The following ESRRG variants were observed in gnomAD, a reference collection of about 807,000 sequenced individuals.
ESRRG encodes estrogen related receptor gamma.
ESRRG carries 13 observed loss-of-function variants against 44.0 expected under a neutral mutation model. The ratio of observed to expected loss-of-function variants is 0.30; its 90% confidence interval spans 0.19 to 0.47. The LOEUF (loss-of-function observed/expected upper bound fraction) is 0.47. Among genes scored for constraint, ESRRG ranks in the 20% least tolerant of loss-of-function variants. ESRRG has a pLI of 1.00. For synonymous variants in ESRRG, 215 were observed against 214.6 expected (o/e 1.00, Z -0.02); for missense variants, 395 against 580.6 (o/e 0.68, Z 3.29).
rs1170509638 is a variant in ESRRG at position 216,974,891 on chromosome 1, T to C, written c.-105-35218A>G. On this transcript the variant is annotated intron_variant, in intron 1 of 7. Coordinates refer to the ESRRG transcript ENST00000359162. ...CTTTTGTGCTTTTTTTTTTTTTTAA[T>C]TTTCTTTCAGAATTTTCTCAGCAGG... Among the ~76,000 whole-genome samples, 5 of 152,006 alleles carry C rather than the reference T, an allele frequency of 3.3e-5. No individual in the cohort carries two copies. The South Asian group carries it at 8.3e-4, about 25-fold the overall frequency.
At position 216,747,698 on chromosome 1, in the gene ESRRG, C is replaced by T. The variant is rs1026790432; in HGVS notation, c.-13-70207G>A. Among the ~76,000 whole-genome samples, 13 of 152,190 alleles carry T rather than the reference C, an allele frequency of 8.5e-5. 1 individual carries two copies. Among genetic ancestry groups the T allele is most frequent in the South Asian group, 6.2e-4 (3 of 4,814 alleles). Reference sequence around the variant, plus strand: ...CTGTGAGCAATTTGTGGACTTTGAGCGAAACGTTCAATCATTTTAGGCCTC... The same window carrying T: ...CTGTGAGCAATTTGTGGACTTTGAGTGAAACGTTCAATCATTTTAGGCCTC... On this transcript the variant is annotated intron_variant, in intron 2 of 7. Transcript: ENST00000359162.
chr1:217,065,688 GT>G (rs994090276), intron 1 of ESRRG, among the ~76,000 whole-genome samples: 1 of 152,164 alleles, frequency 6.6e-6, no homozygotes, highest in Non-Finnish European at 1.5e-5. Flanking sequence ...GTCCCATATG[GT>G]TTTTGGAGAG....
At chr1:217,005,888 C>T (rs1163262558) in intron 1 of ESRRG, among the ~76,000 whole-genome samples, 3 of 152,132 alleles carry the variant, frequency 2.0e-5, no homozygotes, top group Non-Finnish European at 2.9e-5. Flanking sequence ...GTCTTCATTA[C>T]TATGTTAATC....
intron 1 of ESRRG, among the ~76,000 whole-genome samples, chr1:217,001,932 A>C (rs928369756): frequency 6.6e-6 from 1 of 152,184 alleles, no homozygotes; most frequent in African/African-American, 2.4e-5. Flanking sequence ...AGTTCAGCAC[A>C]TGGAAATGGA....
intron 2 of ESRRG, among the ~76,000 whole-genome samples, chr1:216,854,712 A>G (rs1181293718): frequency 6.6e-6 from 1 of 152,166 alleles, no homozygotes; most frequent in East Asian, 1.9e-4. Flanking sequence ...CTGTGATATA[A>G]TTGCAAAAAA....
At chr1:216,909,575 G>C (rs1244622782) in intron 2 of ESRRG, among the ~76,000 whole-genome samples, 1 of 152,092 alleles carries the variant, frequency 6.6e-6, no homozygotes, top group Non-Finnish European at 1.5e-5. Flanking sequence ...AGTTGAGACA[G>C]GGTTTTTCCA....
intron 1 of ESRRG, among the ~76,000 whole-genome samples, chr1:217,120,255 C>T (rs1558283483): frequency 6.6e-6 from 1 of 151,330 alleles, no homozygotes; most frequent in Admixed American, 6.6e-5. Flanking sequence ...TCTCCCTCAT[C>T]CTAGAAATAT....
chr1:217,112,742 T>C (rs2092674144), intron 1 of ESRRG, among the ~76,000 whole-genome samples: 2 of 152,144 alleles, frequency 1.3e-5, no homozygotes, highest in South Asian at 2.1e-4. Flanking sequence ...ATGTAAGAAA[T>C]GGTTAATTAC....
At chr1:216,916,534 T>C (rs961065186) in intron 2 of ESRRG, among the ~76,000 whole-genome samples, 5 of 152,228 alleles carry the variant, frequency 3.3e-5, no homozygotes, top group Non-Finnish European at 7.3e-5. Flanking sequence ...TGGGGACACA[T>C]GCTCATGTTC....
intron 1 of ESRRG, among the ~76,000 whole-genome samples, chr1:216,955,797 A>G (rs2067845415): frequency 6.6e-6 from 1 of 152,156 alleles, no homozygotes; most frequent in South Asian, 2.1e-4. Context: ...CCTGATGACT[A>G]GTGATGTTGA....
intron 2 of ESRRG, among the ~76,000 whole-genome samples, chr1:216,814,451 G>A (rs970341405): frequency 3.3e-4 from 50 of 152,186 alleles, no homozygotes; most frequent in African/African-American, 1.2e-3. Context: ...TTAATAAGCA[G>A]TTGTTTAGCC....
intron 2 of ESRRG, among the ~76,000 whole-genome samples, chr1:216,739,080 G>C (rs1415197935): frequency 6.6e-6 from 1 of 152,138 alleles, no homozygotes; most frequent in Non-Finnish European, 1.5e-5. Context: ...CAGTAGAATA[G>C]AGACCTCAGC....
intron 2 of ESRRG, among the ~76,000 whole-genome samples, chr1:216,914,226 AC>A (rs2149632783): frequency 6.6e-6 from 1 of 152,230 alleles, no homozygotes; most frequent in East Asian, 1.9e-4. Context: ...CAGCTCTGAC[AC>A]GGGGGATTAA....
intron 2 of ESRRG, among the ~76,000 whole-genome samples, chr1:216,845,873 C>T (rs1034581424): frequency 6.6e-6 from 1 of 152,078 alleles, no homozygotes; most frequent in Non-Finnish European, 1.5e-5. Context: ...GAGTGATACA[C>T]CCTCCACTCA....
At chr1:217,082,682 C>G (rs1413990112) in intron 1 of ESRRG, among the ~76,000 whole-genome samples, 1 of 151,646 alleles carries the variant, frequency 6.6e-6, no homozygotes, top group Admixed American at 6.6e-5. Context: ...ACACACACAC[C>G]TCACCCTCTT....
chr1:216,735,987 A>AAATAT (rs1453476198), intron 2 of ESRRG, among the ~76,000 whole-genome samples: 1 of 137,118 alleles, frequency 7.3e-6, no homozygotes, highest in Non-Finnish European at 1.6e-5. Context: ...CTCAAAAAAA[A>AAATAT]ATATATATAT....
At chr1:216,724,247 A>G (rs2087010812), upstream of ESRRG, among the ~76,000 whole-genome samples, 1 of 152,134 alleles carries the variant, frequency 6.6e-6, no homozygotes, top group Non-Finnish European at 1.5e-5. Context: ...AAACAACGGT[A>G]AACAGCCGCA....
chr1:216,598,465 C>G (rs78470375), intron 3 of ESRRG, among the ~76,000 whole-genome samples: 1 of 152,048 alleles, frequency 6.6e-6, no homozygotes, highest in Non-Finnish European at 1.5e-5. Context: ...ATGGAACAAC[C>G]CACCTTGTGA....
intron 1 of ESRRG, among the ~76,000 whole-genome samples, chr1:216,967,943 G>A (rs1369993262): frequency 6.6e-6 from 1 of 152,160 alleles, no homozygotes; most frequent in Non-Finnish European, 1.5e-5. Flanking sequence ...ATTCAAATAA[G>A]TGTACAGTGG....
Sources: gnomAD v4.1 joint callset for allele counts (sites outside exome capture counted in the v4.1 genomes callset) on GRCh38, gnomAD v4.1.1 for gene constraint, MANE v1.5 for transcripts, NCBI Gene and HGNC (gene_info 2026-07-23, HGNC 2026-07-21) for gene names.